The following UNC13C variants were observed in gnomAD, a reference collection of about 807,000 sequenced individuals.
UNC13C encodes unc-13 homolog C.
In UNC13C, 174 loss-of-function variants were observed where a neutral mutation model predicts 245.4. The observed-to-expected ratio is 0.71, with a 90% confidence interval of 0.63 to 0.80. The LOEUF is 0.80. Ranked by LOEUF, UNC13C falls within the 30% of genes least tolerant of loss-of-function variation. UNC13C has a pLI of 0.00. For missense variants in UNC13C, 2,829 were observed against 2,602.9 expected (o/e 1.09, Z -1.89); for synonymous variants, 992 against 895.1 (o/e 1.11, Z -1.93).
At chr15:53,841,942 T>C in the UNC13C span, among the ~76,000 whole-genome samples, 1 of 152,186 alleles carries the variant, frequency 6.6e-6, no homozygotes, top group South Asian at 2.1e-4. Flanking sequence ...ATAGGAAGAA[T>C]TTCTGGGTCA....
chr15:54,619,108 G>C (rs1900636677), intron 30 of UNC13C, among the ~76,000 whole-genome samples: 2 of 152,066 alleles, frequency 1.3e-5, no homozygotes, highest in Admixed American at 1.3e-4. Flanking sequence ...TCCAAACTTA[G>C]GACTACGACA....
chr15:54,259,842 A>G (rs1024835017), intron 8 of UNC13C, among the ~76,000 whole-genome samples: 1 of 152,156 alleles, frequency 6.6e-6, no homozygotes, highest in Non-Finnish European at 1.5e-5. Context: ...AGAATTGCAA[A>G]TCCAAACCCA....
chr15:54,529,120 C>G (rs934599634), intron 25 of UNC13C, among the ~76,000 whole-genome samples: 33 of 152,100 alleles, frequency 2.2e-4, no homozygotes, highest in Admixed American at 6.6e-5. Context: ...ATCAAGGAAC[C>G]AAATGTAAAT....
chr15:54,103,338 T>C (rs2141159997), intron 2 of UNC13C, among the ~76,000 whole-genome samples: 1 of 152,318 alleles, frequency 6.6e-6, no homozygotes, highest in African/African-American at 2.4e-5. Flanking sequence ...TACCTTATGT[T>C]CAGGCCTTTG....
chr15:53,852,178 T>C, the UNC13C span, among the ~76,000 whole-genome samples: 1 of 152,140 alleles, frequency 6.6e-6, no homozygotes, highest in Non-Finnish European at 1.5e-5. Flanking sequence ...CAGATTTTAA[T>C]TGAATTAGAG....
chr15:54,006,986 C>T lies in UNC13C; in HGVS notation c.-256-5662C>T, dbSNP rs981111653. Among the ~76,000 whole-genome samples, 8 of 152,276 alleles carry T rather than the reference C, an allele frequency of 5.3e-5. No individual in the cohort carries two copies. In the South Asian group the frequency reaches 8.3e-4, roughly 16 times the overall value. On this transcript the variant is annotated intron_variant, in intron 1 of 32. Transcript: ENST00000260323. The stretch of plus-strand genomic sequence containing the variant: ...TCCTTCTCTGTTGCAGTGATTCTGC[C>T]CTCCTACCTGATGGGAAGCTTCTTT...
chr15:53,909,382 C>A, the UNC13C span, among the ~76,000 whole-genome samples: 11 of 146,548 alleles, frequency 7.5e-5, 1 homozygote, highest in Admixed American at 2.1e-4. Context: ...CCTGAAGCAC[C>A]AAGACATGAT....
chr15:54,619,886 G>A (rs12101382), intron 30 of UNC13C, among the ~76,000 whole-genome samples: 21,091 of 152,048 alleles, frequency 0.14, 1,518 homozygotes, highest in Middle Eastern at 0.23. Context: ...ACTAGAGAGT[G>A]GTATAAACAT....
chr15:54,443,983 C>G (rs2140994561), intron 19 of UNC13C, among the ~76,000 whole-genome samples: 1 of 150,946 alleles, frequency 6.6e-6, no homozygotes, highest in South Asian at 2.1e-4. Flanking sequence ...GATGATCTGT[C>G]TAATACTGAC....
chr15:54,227,244 C>T (rs1205950414), intron 4 of UNC13C, among the ~76,000 whole-genome samples: 3 of 152,092 alleles, frequency 2.0e-5, no homozygotes, highest in Non-Finnish European at 4.4e-5. Flanking sequence ...GTGTGCTGAT[C>T]GGTCCATGGA....
chr15:53,961,820 C>T, the UNC13C span, among the ~76,000 whole-genome samples: 27 of 152,172 alleles, frequency 1.8e-4, no homozygotes, highest in African/African-American at 5.5e-4. Flanking sequence ...GCAGAATAAC[C>T]TGCATTGTAA....
upstream of UNC13C, among the ~76,000 whole-genome samples, chr15:53,974,093 T>C (rs1189544998): frequency 5.9e-5 from 9 of 152,170 alleles, no homozygotes; most frequent in African/African-American, 1.9e-4. Flanking sequence ...ATGGGAACCA[T>C]ATAATACTAC....
chr15:54,362,740 A>G (rs1211751598), intron 17 of UNC13C, among the ~76,000 whole-genome samples: 1 of 152,144 alleles, frequency 6.6e-6, no homozygotes, highest in Non-Finnish European at 1.5e-5. Flanking sequence ...ATGATCGAAA[A>G]TCACTCATCT....
chr15:54,098,565 T>C (rs2141150350), intron 2 of UNC13C, among the ~76,000 whole-genome samples: 1 of 152,310 alleles, frequency 6.6e-6, no homozygotes, highest in Non-Finnish European at 1.5e-5. Flanking sequence ...GCCTAAATGT[T>C]CTTTCTAAGA....
chr15:54,310,806 GCA>G (rs1187694864), intron 13 of UNC13C, among the ~76,000 whole-genome samples: 1 of 150,550 alleles, frequency 6.6e-6, no homozygotes, highest in Non-Finnish European at 1.5e-5. Context: ...ACACACACAT[GCA>G]CACACACTTT....
At chr15:54,229,148 C>A (rs777501785) in intron 4 of UNC13C, among the ~76,000 whole-genome samples, 1 of 152,160 alleles carries the variant, frequency 6.6e-6, no homozygotes, top group Non-Finnish European at 1.5e-5. Context: ...AATGTTCCAA[C>A]GCAAAGTCCT....
chr15:54,384,014 C>A (rs879822072), intron 17 of UNC13C, among the ~76,000 whole-genome samples: 2 of 152,100 alleles, frequency 1.3e-5, no homozygotes, highest in Non-Finnish European at 1.5e-5. Flanking sequence ...GAAGAAGACA[C>A]AAACAAATGG....
At chr15:54,527,750 A>G (rs1194538449) in intron 25 of UNC13C, among the ~76,000 whole-genome samples, 1 of 152,220 alleles carries the variant, frequency 6.6e-6, no homozygotes, top group Non-Finnish European at 1.5e-5. Flanking sequence ...TTTTTTAAAT[A>G]TAGGAAAGAA....
intron 2 of UNC13C, among the ~76,000 whole-genome samples, chr15:54,108,619 T>G (rs1257585051): frequency 1.3e-5 from 2 of 152,236 alleles, no homozygotes; most frequent in African/African-American, 4.8e-5. Context: ...TTCTTAACTT[T>G]TATTTTTCCC....
Sources: gnomAD v4.1 joint callset for allele counts (sites outside exome capture counted in the v4.1 genomes callset) on GRCh38, gnomAD v4.1.1 for gene constraint, MANE v1.5 for transcripts, NCBI Gene and HGNC (gene_info 2026-07-23, HGNC 2026-07-21) for gene names.